ITM2B: variants seen among roughly 807,000 people sequenced by gnomAD.
The protein encoded by ITM2B is integral membrane protein 2B.
In ITM2B, 11 loss-of-function variants were observed where a neutral mutation model predicts 27.8. The observed-to-expected ratio is 0.40, with a 90% CI of 0.25 to 0.66. ITM2B has a LOEUF of 0.66. Ranked by LOEUF, ITM2B falls within the 30% of genes least tolerant of loss-of-function variation. The pLI, the probability that ITM2B is intolerant of heterozygous loss-of-function variation, is 0.43. For synonymous variants in ITM2B, 114 were observed against 114.3 expected, an observed-to-expected ratio of 1.00 and a Z score of 0.02; for missense variants, 296 against 328.9, an observed-to-expected ratio of 0.90 and a Z score of 0.77.
Position 48,261,489 on chromosome 13 carries a change from A to G in ITM2B, c.*265A>G. On this transcript the variant is annotated 3_prime_UTR_variant, in exon 6 of 6. Transcript: ENST00000647800. The stretch of plus-strand genomic sequence containing the variant: ...CACCTTAGGTAGTAGGAAGAATTAC[A>G]ATTTCTTTAAATCATTTATCTGGAT... 3.6e-6 allele frequency: 1 copy of G among 276,348 alleles called. No individual in the cohort carries two copies. The highest frequency in any genetic ancestry group is 6.8e-6 in the Non-Finnish European group (1 of 147,104). The allele number at this position is 276,348 out of a possible 1,614,324, so 17.1% of individuals were successfully genotyped here. A position where few individuals can be genotyped will look rare whatever the true frequency, so the allele number is the denominator to read the frequency against.
chr13:48,263,402 G>A lies in ITM2B; in HGVS notation c.*2178G>A, dbSNP rs113672354. ...TTCATTCTAGGGCTGAATGAATAAT[G>A]TGCCCTTTGAACCCTTGTGCCATGC... On this transcript the variant is annotated 3_prime_UTR_variant, in exon 6 of 6. Transcript: ENST00000647800. The A allele has an allele frequency of 3.3e-5, 5 of 152,190 alleles. No homozygotes were observed. Among genetic ancestry groups the A allele is most frequent in the African/African-American group, 1.2e-4 (5 of 41,512 alleles). The allele number at this position is 152,190 out of a possible 1,614,324, so 9.4% of individuals were successfully genotyped here. A position where few individuals can be genotyped will look rare whatever the true frequency, so the allele number is the denominator to read the frequency against.
chr13:48,256,205 A>G lies in ITM2B; in HGVS notation c.275A>G (p.Lys92Arg), dbSNP rs1566163306. 6.2e-7 allele frequency: 1 copy of G among 1,613,556 alleles called. No individual in the cohort carries two copies. The highest frequency in any genetic ancestry group is 1.3e-5 in the African/African-American group (1 of 74,942). Residue 92 changes from lysine to arginine, a missense_variant, in exon 3 of 6, where the codon AAG becomes AGG. Coordinates refer to ENST00000647800, the MANE Select transcript of ITM2B (RefSeq NM_021999.5). The part of the protein sequence containing the change: ...QPDDVYYCGI[K>R]YIKDDVILNE... ...GATGACGTGTACTACTGTGGAATAA[A>G]GTACATCAAAGATGATGTCATCTTA...
chr13:48,260,497 C>G (rs1173744561), intron 5 of ITM2B, among the ~76,000 whole-genome samples: 1 of 152,110 alleles, frequency 6.6e-6, no homozygotes, highest in East Asian at 1.9e-4. Flanking sequence ...GGTAGTTTTT[C>G]AACCCTTACC....
At chr13:48,254,702 C>T (rs1277158737) in intron 2 of ITM2B, among the ~76,000 whole-genome samples, 2 of 151,984 alleles carry the variant, frequency 1.3e-5, no homozygotes, top group Admixed American at 6.6e-5. Context: ...AATTTTGAAA[C>T]ATTCTCAATT....
intron 1 of ITM2B, among the ~76,000 whole-genome samples, chr13:48,247,461 A>G (rs536301932): frequency 6.6e-6 from 1 of 152,300 alleles, no homozygotes; most frequent in African/African-American, 2.4e-5. Context: ...AAAATATTGT[A>G]TCTGAGCACT....
At chr13:48,260,576 T>TC (rs1951816650) in intron 5 of ITM2B, among the ~76,000 whole-genome samples, 1 of 152,072 alleles carries the variant, frequency 6.6e-6, no homozygotes, top group Non-Finnish European at 1.5e-5. Flanking sequence ...GTCAGTGAGT[T>TC]CCCAGTGTTT....
Position 48,242,789 on chromosome 13 carries a change from CT to C in ITM2B, c.117+9320del, listed in dbSNP as rs1319167723. 9.2e-5 allele frequency among the ~76,000 whole-genome samples: 14 copies of C among 151,840 alleles called. No homozygotes were observed. In the East Asian group the frequency reaches 2.1e-3, roughly 23 times the overall value. ...CAGGCTGGTGATTTTCTCCTTATATCTTTTTTTTCTTTTTTCTTTTATGCTT... is the reference window on the plus strand; with the variant it reads ...CAGGCTGGTGATTTTCTCCTTATATCTTTTTTTCTTTTTTCTTTTATGCTT... On this transcript the variant is annotated intron_variant, in intron 1 of 5. Transcript: ENST00000647800.
chr13:48,237,671 C>G (rs966190546), intron 1 of ITM2B, among the ~76,000 whole-genome samples: 1 of 152,144 alleles, frequency 6.6e-6, no homozygotes, highest in Non-Finnish European at 1.5e-5. Context: ...GTTTATTATG[C>G]ATTTCCAAAT....
rs545408514 is a variant in ITM2B, at chr13:48,268,924, T to C, written c.*7700T>C. 1 of 152,188 alleles carries C rather than the reference T, an allele frequency of 6.6e-6. No homozygotes were observed. The highest frequency in any genetic ancestry group is 1.5e-5 in the Non-Finnish European group (1 of 68,028). 9.4% of individuals were successfully genotyped at this position (152,188 alleles called of 1,614,324 possible). On this transcript the variant is annotated 3_prime_UTR_variant, in exon 6 of 6. Transcript: ENST00000647800. ...ATTTATAAATTTCAGTTTCTCATTG[T>C]TTTAGAATGGAAGGTCTAACCAAAT...
chr13:48,245,090 C>T (rs7999447), intron 1 of ITM2B, among the ~76,000 whole-genome samples: 44,370 of 152,008 alleles, frequency 0.29, 6,638 homozygotes, highest in South Asian at 0.38. Flanking sequence ...CTTTGGGAGG[C>T]TGAGGCGGGC....
At position 48,262,696 on chromosome 13, in the gene ITM2B, C is replaced by G. The variant is rs1165928712; in HGVS notation, c.*1472C>G. Reference sequence around the variant, plus strand: ...ATATATCTGCAAAGAAGAAAAAAAGCCACTGCCGTCGTGGAGACTCACAAT... The same window carrying G: ...ATATATCTGCAAAGAAGAAAAAAAGGCACTGCCGTCGTGGAGACTCACAAT... On this transcript the variant is annotated 3_prime_UTR_variant, in exon 6 of 6. Coordinates refer to ENST00000647800, the MANE Select transcript of ITM2B (RefSeq NM_021999.5). 6.6e-6 allele frequency: 1 copy of G among 152,058 alleles called. No individual in the cohort carries two copies. The highest frequency in any genetic ancestry group is 1.5e-5 in the Non-Finnish European group (1 of 68,002). 9.4% of individuals were successfully genotyped at this position (152,058 alleles called of 1,614,324 possible).
Position 48,265,852 on chromosome 13 carries a change from CTCAGTCTCATAGCA to C in ITM2B, c.*4632_*4645del, listed in dbSNP as rs1951850124. 1.3e-5 allele frequency: 2 copies of C among 152,276 alleles called. No homozygotes were observed. The highest frequency in any genetic ancestry group is 4.1e-4 in the South Asian group (2 of 4,826). 9.4% of individuals were successfully genotyped at this position (152,276 alleles called of 1,614,324 possible). The stretch of plus-strand genomic sequence containing the variant: ...CCATTAGGAAAGGCTTCTCTTGTTT[CTCAGTCTCATAGCA>C]TCATCTGTCTCTTTTTTGTGACTTG... On this transcript the variant is annotated 3_prime_UTR_variant, in exon 6 of 6. Coordinates refer to ENST00000647800, the MANE Select transcript of ITM2B (RefSeq NM_021999.5).
chr13:48,253,813 A>G lies in ITM2B; in HGVS notation c.123A>G (p.Pro41=). 6.2e-7 allele frequency: 1 copy of G among 1,613,872 alleles called. No individual in the cohort carries two copies. Residue 41 remains proline (P), a synonymous_variant, in exon 2 of 6, where the codon CCA becomes CCG. Coordinates refer to ENST00000647800, the MANE Select transcript of ITM2B (RefSeq NM_021999.5). Reference sequence around the variant, plus strand: ...CTGTCTTTTTCATATTTTAGGACCCAGATGATGTGGTACCAGTTGGCCAAA... The same window carrying G: ...CTGTCTTTTTCATATTTTAGGACCCGGATGATGTGGTACCAGTTGGCCAAA... ...PDAVAVDCKD[P]DDVVPVGQRR...
chr13:48,267,445 C>G lies in ITM2B; in HGVS notation c.*6221C>G, dbSNP rs954311594. 2.0e-5 allele frequency: 3 copies of G among 152,168 alleles called. No homozygotes were observed. The highest frequency in any genetic ancestry group is 4.4e-5 in the Non-Finnish European group (3 of 68,032). The allele number at this position is 152,168 out of a possible 1,614,324, so 9.4% of individuals were successfully genotyped here. ...AGATGAGCCTGTGAAATTTGAGAATCCTTCATGTCTCTGGAATGAGTCCCT... is the reference window on the plus strand; with the variant it reads ...AGATGAGCCTGTGAAATTTGAGAATGCTTCATGTCTCTGGAATGAGTCCCT... On this transcript the variant is annotated 3_prime_UTR_variant, in exon 6 of 6. Coordinates refer to ENST00000647800, the MANE Select transcript of ITM2B (RefSeq NM_021999.5).
chr13:48,256,906 C>T (rs1017810122), intron 3 of ITM2B, among the ~76,000 whole-genome samples: 2 of 152,074 alleles, frequency 1.3e-5, no homozygotes, highest in African/African-American at 4.8e-5. Context: ...AATGAGTTGT[C>T]CTCCTACGTA....
At chr13:48,260,154 C>T (rs2137996974) in intron 5 of ITM2B, among the ~76,000 whole-genome samples, 1 of 152,248 alleles carries the variant, frequency 6.6e-6, no homozygotes, top group South Asian at 2.1e-4. Flanking sequence ...CAGCTTCATC[C>T]ACGTCCCTGC....
chr13:48,258,880 T>C lies in ITM2B; in HGVS notation c.648T>C (p.Gly216=). 1 of 1,613,512 alleles carries C rather than the reference T, an allele frequency of 6.2e-7. No homozygotes were observed. The highest frequency in any genetic ancestry group is 1.1e-5 in the South Asian group (1 of 91,072). Residue 216 remains glycine, a synonymous_variant, in exon 5 of 6, where the codon GGT becomes GGC. Coordinates refer to ENST00000647800, the MANE Select transcript of ITM2B (RefSeq NM_021999.5). ...TDRIENIDHL[G]FFIYRLCHDK... is the part of the protein sequence containing the mutation. ...GCATTGAAAACATTGATCACCTGGG[T>C]TTCTTTATTTATCGACTGTGTCATG...
chr13:48,264,682 A>G lies in ITM2B; in HGVS notation c.*3458A>G, dbSNP rs542012772. 2.0e-5 allele frequency: 3 copies of G among 152,262 alleles called. No individual in the cohort carries two copies. The South Asian group carries it at 6.2e-4, about 32-fold the overall frequency. 9.4% of individuals were successfully genotyped at this position (152,262 alleles called of 1,614,324 possible). ...CTAGATAAGGACTTCATGTGTATCTATTTAGAAAAAGAACATTTCTTCATT... is the reference window on the plus strand; with the variant it reads ...CTAGATAAGGACTTCATGTGTATCTGTTTAGAAAAAGAACATTTCTTCATT... On this transcript the variant is annotated 3_prime_UTR_variant, in exon 6 of 6. Transcript: ENST00000647800.
Position 48,233,398 on chromosome 13 carries a change from A to G in ITM2B, c.38A>G (p.Lys13Arg). 6.4e-7 allele frequency: 1 copy of G among 1,564,548 alleles called. No homozygotes were observed. Among genetic ancestry groups the G allele is most frequent in the Non-Finnish European group, 8.6e-7 (1 of 1,157,614 alleles). The change falls in exon 1 of 6, where the codon AAG (lysine) becomes AGG (arginine). Residue 13 changes from lysine to arginine, a missense_variant. Transcript: ENST00000647800. ...KVTFNSALAQKEAKKDEPKSG... is the reference protein window; with the variant it reads ...KVTFNSALAQREAKKDEPKSG... ...ACGTTCAACTCCGCTCTGGCCCAGAAGGAGGCCAAGAAGGACGAGCCCAAG... is the reference window on the plus strand; with the variant it reads ...ACGTTCAACTCCGCTCTGGCCCAGAGGGAGGCCAAGAAGGACGAGCCCAAG...
Sources: gnomAD v4.1 joint callset for allele counts (sites outside exome capture counted in the v4.1 genomes callset) on GRCh38, gnomAD v4.1.1 for gene constraint, MANE v1.5 for transcripts, NCBI Gene and HGNC (gene_info 2026-07-23, HGNC 2026-07-21) for gene names.